Variants in SPSB1 observed in about 807,000 individuals in gnomAD.
SPSB1 encodes SPRY domain-containing SOCS box protein 1.
SPSB1 carries 8 observed loss-of-function variants against 21.2 expected under a neutral mutation model. That is an observed-to-expected ratio of 0.38 (90% CI 0.22 to 0.68). The LOEUF is 0.68. Ranked by LOEUF, SPSB1 falls within the 30% of genes least tolerant of loss-of-function variation. The pLI is 0.53. For missense variants in SPSB1, 242 were observed against 377.8 expected (o/e 0.64, Z 2.98); for synonymous variants, 169 against 161.7 (o/e 1.05, Z -0.34).
chr1:9,355,881 C>A lies in SPSB1; in HGVS notation c.-11C>A. On this transcript the variant is annotated 5_prime_UTR_variant, in exon 2 of 3. Transcript: ENST00000328089. ...TTGGGAGTCGGTAAGAAGGTGAAGC[C>A]AGGGGCGAACATGGGTCAGAAGGTC... 6.5e-7 allele frequency: 1 copy of A among 1,538,024 alleles called. No homozygotes were observed. Among genetic ancestry groups the A allele is most frequent in the Admixed American group, 2.1e-5 (1 of 48,658 alleles).
intron 1 of SPSB1, among the ~76,000 whole-genome samples, chr1:9,303,389 TAATA>T (rs1229343046): frequency 6.6e-6 from 1 of 152,182 alleles, no homozygotes; most frequent in African/African-American, 2.4e-5. Context: ...GAGGTAGTTA[TAATA>T]AATACCAGCT....
At chr1:9,359,397 TTG>T (rs1640428950) in intron 2 of SPSB1, among the ~76,000 whole-genome samples, 1 of 152,170 alleles carries the variant, frequency 6.6e-6, no homozygotes, top group African/African-American at 2.4e-5. Context: ...AGGCAGCATC[TTG>T]TGTCTTAGGA....
intron 1 of SPSB1, among the ~76,000 whole-genome samples, chr1:9,320,467 G>A (rs1639700667): frequency 2.0e-5 from 3 of 152,158 alleles, no homozygotes; most frequent in East Asian, 1.9e-4. Context: ...GAGGCCTCTC[G>A]AGGGCTGGGA....
At chr1:9,359,203 G>A (rs576414245) in intron 2 of SPSB1, among the ~76,000 whole-genome samples, 5 of 152,218 alleles carry the variant, frequency 3.3e-5, no homozygotes, top group African/African-American at 4.8e-5. Context: ...CCTGGGCCAC[G>A]TGGTCAGTTG....
chr1:9,295,293 A>G (rs1305491490), intron 1 of SPSB1, among the ~76,000 whole-genome samples: 4 of 151,866 alleles, frequency 2.6e-5, no homozygotes, highest in African/African-American at 9.7e-5. Flanking sequence ...TCACTTTACA[A>G]GTCTTCCTTT....
chr1:9,310,785 C>G (rs1274504595), intron 1 of SPSB1, among the ~76,000 whole-genome samples: 1 of 151,936 alleles, frequency 6.6e-6, no homozygotes, highest in Non-Finnish European at 1.5e-5. Context: ...AAGTGTTTCT[C>G]CTGTCTGAGG....
intron 1 of SPSB1, among the ~76,000 whole-genome samples, chr1:9,320,113 C>T (rs897376052): frequency 2.0e-5 from 3 of 152,160 alleles, no homozygotes; most frequent in Non-Finnish European, 4.4e-5. Context: ...GGTGTCCAGG[C>T]GTCTGCTTCT....
chr1:9,336,699 G>C (rs568901444), intron 1 of SPSB1, among the ~76,000 whole-genome samples: 10 of 152,156 alleles, frequency 6.6e-5, no homozygotes, highest in Admixed American at 1.3e-4. Flanking sequence ...TGGCCGGCTC[G>C]GGCAGGTCCC....
rs191353874 is a variant in SPSB1 at position 9,307,073 on chromosome 1, A to G, written c.-150+14002A>G. ...CTCCTGGGTAGCTGGGATTACAGGC[A>G]CGTGCCACCACGCCTGGCTAATTTT... On this transcript the variant is annotated intron_variant, in intron 1 of 2. Transcript: ENST00000328089. Among the ~76,000 whole-genome samples the G allele has an allele frequency of 9.7e-3, 1,478 of 151,896 alleles. 7 individuals carry two copies. Among genetic ancestry groups the G allele is most frequent in the African/African-American group, 0.012 (492 of 41,422 alleles).
Position 9,316,051 on chromosome 1 carries a change from A to G in SPSB1, c.-150+22980A>G, listed in dbSNP as rs991496819. ...TTTGCAAACTGGGACCAGGTGCCCA[A>G]GGTCAGGGAGGTGGTGGGTCCGCAG... On this transcript the variant is annotated intron_variant, in intron 1 of 2. Transcript: ENST00000328089. Among the ~76,000 whole-genome samples, 15 of 152,158 alleles carry G rather than the reference A, an allele frequency of 9.9e-5. No individual in the cohort carries two copies. In the South Asian group the frequency reaches 1.0e-3, roughly 11 times the overall value.
chr1:9,352,236 C>T (rs557683241), intron 1 of SPSB1, among the ~76,000 whole-genome samples: 100 of 152,330 alleles, frequency 6.6e-4, no homozygotes, highest in African/African-American at 2.3e-3. Flanking sequence ...GACAGACAGA[C>T]AGTGGATGTC....
intron 1 of SPSB1, among the ~76,000 whole-genome samples, chr1:9,332,960 C>T (rs1639946890): frequency 6.6e-6 from 1 of 152,216 alleles, no homozygotes; most frequent in Non-Finnish European, 1.5e-5. Flanking sequence ...TGGTTCTGGC[C>T]TGGGCCCCAT....
chr1:9,309,364 C>G (rs1209549781), intron 1 of SPSB1, among the ~76,000 whole-genome samples: 1 of 151,316 alleles, frequency 6.6e-6, no homozygotes, highest in Non-Finnish European at 1.5e-5. Context: ...GTCACCCAGG[C>G]TGGAGTGCAG....
intron 1 of SPSB1, 179 bp from the exon 2 acceptor site, chr1:9,355,564 C>G: frequency 1.7e-6 from 1 of 577,580 alleles, no homozygotes; most frequent in Non-Finnish European, 2.3e-6. Flanking sequence ...TTTGTGACAG[C>G]TAGCCAGGGA....
chr1:9,322,942 G>A (rs1557452340), intron 1 of SPSB1, among the ~76,000 whole-genome samples: 1 of 147,988 alleles, frequency 6.8e-6, no homozygotes. Context: ...GGGCTTGCAA[G>A]GAGGTTCCTG....
intron 1 of SPSB1, among the ~76,000 whole-genome samples, chr1:9,325,768 A>G (rs575558879): frequency 2.0e-5 from 3 of 152,278 alleles, no homozygotes; most frequent in African/African-American, 7.2e-5. Context: ...GACGTTTGCC[A>G]TTTGGGCAGG....
chr1:9,293,196 G>T lies in SPSB1; in HGVS notation c.-150+125G>T. ...GCTGGGGGACCGAGTGGGTGGCGCGGGGCCGGGCGCGGGGGAGCGGGTGGA... is the reference window on the plus strand; with the variant it reads ...GCTGGGGGACCGAGTGGGTGGCGCGTGGCCGGGCGCGGGGGAGCGGGTGGA... On this transcript the variant is annotated intron_variant, in intron 1 of 2. Coordinates refer to ENST00000328089, the MANE Select transcript of SPSB1 (RefSeq NM_025106.4). This position sits in a 1 kb window ranked among gnomAD's most constrained non-coding sequence, Gnocchi z 5.1. 1 of 964,332 alleles carries T rather than the reference G, an allele frequency of 1.0e-6. No homozygotes were observed. The highest frequency in any genetic ancestry group is 4.7e-5 in the South Asian group (1 of 21,438). The allele number at this position is 964,332 out of a possible 1,614,324, so 59.7% of individuals were successfully genotyped here. A position where few individuals can be genotyped will look rare whatever the true frequency, so the allele number is the denominator to read the frequency against.
At chr1:9,309,148 GGTC>G (rs1029799599) in intron 1 of SPSB1, among the ~76,000 whole-genome samples, 3 of 152,016 alleles carry the variant, frequency 2.0e-5, no homozygotes, top group Non-Finnish European at 4.4e-5. Flanking sequence ...CAGGCCCAGG[GGTC>G]GTCGGTGGGC....
chr1:9,365,664 T>G (rs916962461), intron 2 of SPSB1, among the ~76,000 whole-genome samples: 7 of 152,246 alleles, frequency 4.6e-5, no homozygotes, highest in African/African-American at 1.7e-4. Context: ...GCCCCACCCG[T>G]AGTGTTTGGT....
Sources: gnomAD v4.1 joint callset for allele counts (sites outside exome capture counted in the v4.1 genomes callset) on GRCh38, gnomAD v4.1.1 for gene constraint, Gnocchi (gnomAD v3.1) non-coding constraint, MANE v1.5 for transcripts, NCBI Gene and HGNC (gene_info 2026-07-23, HGNC 2026-07-21) for gene names.